Variants in CHRNB3 observed in about 807,000 individuals in gnomAD.
CHRNB3 encodes the protein cholinergic receptor nicotinic beta 3 subunit.
A neutral mutation model predicts 40.6 loss-of-function variants in CHRNB3; 37 were observed. The observed-to-expected ratio is 0.91, with a 90% CI of 0.70 to 1.20. The LOEUF (loss-of-function observed/expected upper bound fraction) is 1.20, where lower values mean the gene tolerates loss of function less well. Among genes scored for constraint, CHRNB3 ranks in the 50% most tolerant of loss-of-function variants. The pLI is 0.00. For synonymous variants in CHRNB3, 207 were observed against 207.1 expected (o/e 1.00, Z 0.00); for missense variants, 505 against 551.2 (o/e 0.92, Z 0.84).
chr8:42,725,520 T>C, intron 3 of CHRNB3: 2 of 707,400 alleles, frequency 2.8e-6, no homozygotes, highest in Non-Finnish European at 5.1e-6. Flanking sequence ...TTGATAAAAA[T>C]TTACTGCAGT....
At chr8:42,709,308 T>A (rs1815972203) in intron 2 of CHRNB3, among the ~76,000 whole-genome samples, 1 of 152,130 alleles carries the variant, frequency 6.6e-6, no homozygotes, top group African/African-American at 2.4e-5. Context: ...CCATTCCTGC[T>A]GTCCCTAGGC....
intron 3 of CHRNB3, among the ~76,000 whole-genome samples, chr8:42,722,895 C>CTT (rs1205764231): frequency 1.3e-5 from 2 of 152,024 alleles, no homozygotes; most frequent in East Asian, 3.9e-4. Context: ...ATGGCTTTAA[C>CTT]AGATATTTTA....
intron 2 of CHRNB3, 103 bp downstream of exon 2, chr8:42,708,971 AAAT>A (rs1053419956): frequency 4.8e-6 from 6 of 1,254,970 alleles, no homozygotes; most frequent in Non-Finnish European, 6.5e-6. Context: ...TCAATTTTAA[AAAT>A]AATTTACTGT....
chr8:42,721,296 G>T (rs1816214065), intron 3 of CHRNB3, among the ~76,000 whole-genome samples: 1 of 152,178 alleles, frequency 6.6e-6, no homozygotes, highest in East Asian at 1.9e-4. Context: ...GCAGCTTCAT[G>T]CTGGGCCCCT....
intron 1 of CHRNB3, 28 bp downstream of exon 1, chr8:42,697,626 C>A: frequency 6.4e-7 from 1 of 1,574,286 alleles, no homozygotes; most frequent in Non-Finnish European, 8.7e-7. Flanking sequence ...TAAATTAAAA[C>A]TACAGTTGCA....
chr8:42,731,605 A>G, intron 4 of CHRNB3, 62 bp from the exon 5 acceptor site: 2 of 1,487,720 alleles, frequency 1.3e-6, no homozygotes, highest in South Asian at 1.3e-5. Context: ...CAATGCTGGG[A>G]AAAAGAACAA....
At chr8:42,716,633 T>C (rs972295190) in intron 3 of CHRNB3, among the ~76,000 whole-genome samples, 6 of 152,070 alleles carry the variant, frequency 3.9e-5, no homozygotes, top group African/African-American at 7.3e-5. Context: ...AACTTCCAGG[T>C]CATTGCCATG....
intron 3 of CHRNB3, among the ~76,000 whole-genome samples, chr8:42,717,667 C>T (rs964702910): frequency 1.3e-5 from 2 of 151,868 alleles, no homozygotes; most frequent in Admixed American, 6.6e-5. Context: ...GGGCAAGTCA[C>T]TTCACCTCTC....
rs1280522239 is a variant in CHRNB3, at chr8:42,736,374, A to C, written c.1243-110A>C. 5.2e-6 allele frequency: 7 copies of C among 1,352,754 alleles called. No homozygotes were observed. The Admixed American group carries it at 1.3e-4, about 25-fold the overall frequency. The allele number at this position is 1,352,754 out of a possible 1,614,324, so 83.8% of individuals were successfully genotyped here. ...TTGGGACATTAGATGCATTTTGAAA[A>C]CTTAAGTAAATGCTATAAATCTGAA... On this transcript the variant is annotated intron_variant, in intron 5 of 5. Transcript: ENST00000289957.
At chr8:42,710,883 G>A (rs1366637365) in intron 3 of CHRNB3, among the ~76,000 whole-genome samples, 1 of 152,196 alleles carries the variant, frequency 6.6e-6, no homozygotes, top group Non-Finnish European at 1.5e-5. Flanking sequence ...AGGAAGAACT[G>A]AGCCCTGAAT....
chr8:42,736,389 A>G (rs753402420), intron 5 of CHRNB3, 95 bp from the exon 6 acceptor site: 15 of 1,447,158 alleles, frequency 1.0e-5, no homozygotes, highest in Admixed American at 2.0e-5. Flanking sequence ...AGTAAATGCT[A>G]TAAATCTGAA....
intron 3 of CHRNB3, among the ~76,000 whole-genome samples, chr8:42,729,025 GAGA>G (rs147309941): frequency 0.011 from 1,631 of 152,182 alleles, 37 homozygotes; most frequent in African/African-American, 0.038. Flanking sequence ...AAGAAAAAAA[GAGA>G]AGCCCATGAG....
chr8:42,733,547 C>A (rs991920594), intron 5 of CHRNB3, among the ~76,000 whole-genome samples: 28 of 150,086 alleles, frequency 1.9e-4, no homozygotes, highest in Non-Finnish European at 3.6e-4. Context: ...AAGCAGTCAA[C>A]AAGTGTGAAT....
intron 3 of CHRNB3, among the ~76,000 whole-genome samples, chr8:42,714,475 ACT>A (rs1348177997): frequency 1.3e-5 from 2 of 151,978 alleles, no homozygotes; most frequent in African/African-American, 2.4e-5. Context: ...ACAGAGCAAG[ACT>A]CTGTCTCAAA....
At chr8:42,713,009 G>A (rs956869909) in intron 3 of CHRNB3, among the ~76,000 whole-genome samples, 2 of 151,740 alleles carry the variant, frequency 1.3e-5, no homozygotes, top group East Asian at 1.9e-4. Context: ...CTACAGGCAC[G>A]TGCCACCATA....
intron 3 of CHRNB3, among the ~76,000 whole-genome samples, chr8:42,722,670 T>A (rs919278429): frequency 2.4e-4 from 36 of 152,274 alleles, no homozygotes; most frequent in African/African-American, 8.4e-4. Context: ...CAAGTGATCC[T>A]CCCACTTCAG....
At chr8:42,713,885 C>A (rs554273844) in intron 3 of CHRNB3, among the ~76,000 whole-genome samples, 5 of 152,184 alleles carry the variant, frequency 3.3e-5, no homozygotes, top group Non-Finnish European at 7.3e-5. Context: ...TGGCCAGGAT[C>A]TTTCTGGCCA....
At chr8:42,705,744 T>TCCCCA (rs1208576550) in intron 1 of CHRNB3, 4 of 152,470 alleles carry the variant, frequency 2.6e-5, no homozygotes, top group Admixed American at 2.0e-4. Context: ...CTGCCTGACC[T>TCCCCA]GGGGATAGAT....
In CHRNB3 at chr8:42,697,373, G is replaced by T; in HGVS notation, c.-174G>T. On this transcript the variant is annotated 5_prime_UTR_variant, in exon 1 of 6. Transcript: ENST00000289957. ...ATCAATGAAGTGCACTTTGAGAAGC[G>T]GCACACTCGGCGAGAGGGGTTGAGA... 1.7e-6 allele frequency: 1 copy of T among 577,224 alleles called. No homozygotes were observed. The highest frequency in any genetic ancestry group is 2.8e-5 in the East Asian group (1 of 35,818). 35.8% of individuals were successfully genotyped at this position (577,224 alleles called of 1,614,324 possible).
Sources: gnomAD v4.1 joint callset for allele counts (sites outside exome capture counted in the v4.1 genomes callset) on GRCh38, gnomAD v4.1.1 for gene constraint, MANE v1.5 for transcripts, NCBI Gene and HGNC (gene_info 2026-07-23, HGNC 2026-07-21) for gene names.